Variants in PIM1 observed in about 807,000 individuals in gnomAD.
PIM1 encodes the protein serine/threonine-protein kinase pim-1.
Under a neutral mutation model 34.5 loss-of-function variants are expected in PIM1, and 9 were observed. The ratio of observed to expected loss-of-function variants is 0.26; its 90% CI spans 0.16 to 0.46. The LOEUF (loss-of-function observed/expected upper bound fraction) is 0.46. Ranked by LOEUF, PIM1 falls within the 20% of genes least tolerant of loss-of-function variation. The probability of loss-of-function intolerance (pLI) is 1.00; values close to 1 mark genes in which losing one functional copy is unlikely to be tolerated. For missense variants in PIM1, 274 were observed against 410.9 expected (o/e 0.67, Z 2.88); for synonymous variants, 199 against 175.2 (o/e 1.14, Z -1.07).
chr6:37,171,568 C>G lies in PIM1; in HGVS notation c.607+77C>G, dbSNP rs558894920. 25 of 1,521,648 alleles carry G rather than the reference C, an allele frequency of 1.6e-5. No homozygotes were observed. In the East Asian group the frequency reaches 5.0e-4, roughly 31 times the overall value. 94.3% of individuals were successfully genotyped at this position (1,521,648 alleles called of 1,614,324 possible). A position where few individuals can be genotyped will look rare whatever the true frequency, so the allele number is the denominator to read the frequency against. On this transcript the variant is annotated intron_variant, in intron 4 of 5. Transcript: ENST00000373509. Reference sequence around the variant, plus strand: ...CAGTCCGGAGGCCTCGGCCAGTCTCCCGCGCCAGCCTTTTGTAAAGGTCAT... The same window carrying G: ...CAGTCCGGAGGCCTCGGCCAGTCTCGCGCGCCAGCCTTTTGTAAAGGTCAT...
Position 37,170,671 on chromosome 6 carries a change from C to T in PIM1, c.82+14C>T. ...AGCTGGCGCCCGGTGAGAGCACCCCCCGCCTCCGGCCCGGGGATGCGGGGC... is the reference window on the plus strand; with the variant it reads ...AGCTGGCGCCCGGTGAGAGCACCCCTCGCCTCCGGCCCGGGGATGCGGGGC... On this transcript the variant is annotated intron_variant, in intron 1 of 5. Coordinates refer to ENST00000373509, the MANE Select transcript of PIM1 (RefSeq NM_002648.4). The T allele has an allele frequency of 1.9e-6, 3 of 1,608,680 alleles. No homozygotes were observed. Among genetic ancestry groups the T allele is most frequent in the Non-Finnish European group, 2.5e-6 (3 of 1,177,990 alleles).
At position 37,170,672 on chromosome 6, in the gene PIM1, C is replaced by T; in HGVS notation, c.82+15C>T. ...GCTGGCGCCCGGTGAGAGCACCCCC[C>T]GCCTCCGGCCCGGGGATGCGGGGCG... is the stretch of plus-strand genomic sequence containing the variant. On this transcript the variant is annotated intron_variant, in intron 1 of 5. Coordinates refer to ENST00000373509, the MANE Select transcript of PIM1 (RefSeq NM_002648.4). 2.5e-6 allele frequency: 4 copies of T among 1,608,748 alleles called. No individual in the cohort carries two copies. Among genetic ancestry groups the T allele is most frequent in the South Asian group, 1.1e-5 (1 of 90,916 alleles).
Position 37,173,186 on chromosome 6 carries a change from A to G in PIM1, c.784+14A>G, listed in dbSNP as rs1762339298. The G allele has an allele frequency of 6.2e-7, 1 of 1,613,286 alleles. No homozygotes were observed. Among genetic ancestry groups the G allele is most frequent in the Admixed American group, 1.7e-5 (1 of 59,942 alleles). ...GGGTCTCTTCAGGTAACTGATGGAA[A>G]CCCCTGGCCATGGGGTTATTGGTCT... On this transcript the variant is annotated intron_variant, in intron 5 of 5. Transcript: ENST00000373509.
In PIM1 at chr6:37,173,234, G is replaced by A. The variant is rs1225896586; in HGVS notation, c.784+62G>A. On this transcript the variant is annotated intron_variant, in intron 5 of 5. Coordinates refer to ENST00000373509, the MANE Select transcript of PIM1 (RefSeq NM_002648.4). ...TCTTAATGGGGCTATTAGTCTTCAT[G>A]GGACAGTCTTTGAAATTCTGGAGAG... The A allele has an allele frequency of 2.7e-6, 4 of 1,483,038 alleles. No homozygotes were observed. In the East Asian group the frequency reaches 6.8e-5, roughly 25 times the overall value. 91.9% of individuals were successfully genotyped at this position (1,483,038 alleles called of 1,614,324 possible).
chr6:37,170,621 C>T lies in PIM1; in HGVS notation c.46C>T (p.Pro16Ser). 6.2e-7 allele frequency: 1 copy of T among 1,612,938 alleles called. No individual in the cohort carries two copies. The highest frequency in any genetic ancestry group is 1.1e-5 in the South Asian group (1 of 91,062). The change falls in exon 1 of 6, where the codon CCC (proline) becomes TCC (serine). Residue 16 changes from proline (P) to serine (S), a missense_variant. Transcript: ENST00000373509. ...INSLAHLRAA[P>S]CNDLHATKLA... ...CTCGCTTGCCCACCTGCGCGCCGCG[C>T]CCTGCAACGACCTGCACGCCACCAA...
Position 37,175,404 on chromosome 6 carries a change from T to C in PIM1, c.*1313T>C, listed in dbSNP as rs1176454981. ...ATTTTTTTTTTTATACTTGGCGTTT[T>C]TTGAATAAAAACCTTTTGTCTTAAC... On this transcript the variant is annotated 3_prime_UTR_variant, in exon 6 of 6. Transcript: ENST00000373509. 8.7e-6 allele frequency: 2 copies of C among 230,420 alleles called. No individual in the cohort carries two copies. The highest frequency in any genetic ancestry group is 4.4e-5 in the African/African-American group (2 of 45,090). 14.3% of individuals were successfully genotyped at this position (230,420 alleles called of 1,614,324 possible). A position where few individuals can be genotyped will look rare whatever the true frequency, so the allele number is the denominator to read the frequency against.
At chr6:37,172,374 G>A (rs1024486374) in intron 4 of PIM1, 6 of 344,918 alleles carry the variant, frequency 1.7e-5, no homozygotes, top group African/African-American at 6.4e-5. Flanking sequence ...CAGCGGCATG[G>A]CCCCTCCTTT....
chr6:37,172,850 G>T, intron 4 of PIM1, 146 bp from the exon 5 acceptor site: 1 of 754,622 alleles, frequency 1.3e-6, no homozygotes. Context: ...ACTCTCCTTA[G>T]CCCAGAGGGA....
intron 4 of PIM1, 54 bp downstream of exon 4, chr6:37,171,545 G>C: frequency 6.3e-7 from 1 of 1,576,572 alleles, no homozygotes; most frequent in Non-Finnish European, 8.6e-7. Flanking sequence ...GCCCGGCCCA[G>C]TCCGGAGGCC....
intron 1 of PIM1, 57 bp downstream of exon 1, chr6:37,170,714 G>GGTGGGGA: frequency 6.2e-7 from 1 of 1,607,108 alleles, no homozygotes; most frequent in Non-Finnish European, 8.5e-7. Flanking sequence ...GGATCTCCTG[G>GGTGGGGA]GTGGGGAGCT....
intron 4 of PIM1, 58 bp downstream of exon 4, chr6:37,171,549 G>A: frequency 6.4e-7 from 1 of 1,565,804 alleles, no homozygotes; most frequent in Non-Finnish European, 8.6e-7. Context: ...GGCCCAGTCC[G>A]GAGGCCTCGG....
chr6:37,172,258 T>C (rs2113771066), intron 4 of PIM1, among the ~76,000 whole-genome samples: 1 of 152,304 alleles, frequency 6.6e-6, no homozygotes, highest in African/African-American at 2.4e-5. Context: ...TTATTTGCCC[T>C]TGGAGGACGC....
chr6:37,172,119 G>C (rs995421020), intron 4 of PIM1, among the ~76,000 whole-genome samples: 1 of 152,080 alleles, frequency 6.6e-6, no homozygotes, highest in Non-Finnish European at 1.5e-5. Flanking sequence ...GGCTTGGAGC[G>C]GGTTCTTTCA....
chr6:37,170,498 C>T lies in PIM1; in HGVS notation c.-78C>T. On this transcript the variant is annotated 5_prime_UTR_variant, in exon 1 of 6. Coordinates refer to ENST00000373509, the MANE Select transcript of PIM1 (RefSeq NM_002648.4). ...CCACAGCCACAGCCCCAGGCATAGC[C>T]TTCGGCACAGCCCCGGCTCCGGCTC... is the stretch of plus-strand genomic sequence containing the variant. The T allele has an allele frequency of 6.3e-7, 1 of 1,596,978 alleles. No homozygotes were observed.
rs761565448 is a variant in PIM1, at chr6:37,170,411, G to A, written c.-165G>A. The A allele has an allele frequency of 5.9e-6, 9 of 1,533,488 alleles. No individual in the cohort carries two copies. The South Asian group carries it at 1.1e-4, about 18-fold the overall frequency. The allele number at this position is 1,533,488 out of a possible 1,614,324, so 95.0% of individuals were successfully genotyped here. The stretch of plus-strand genomic sequence containing the variant: ...CCGGCAGCGCCCTCAGTTGTCCTCC[G>A]ACTCGCCCTCGGCCTTCCGCGCCAG... On this transcript the variant is annotated 5_prime_UTR_variant, in exon 1 of 6. Coordinates refer to ENST00000373509, the MANE Select transcript of PIM1 (RefSeq NM_002648.4).
chr6:37,170,285 G>GCC lies in PIM1; in HGVS notation c.-290_-289dup. Reference sequence around the variant, plus strand: ...GCAGCAGCAGCAGCAGCAACCACTAGCCTCCTGCCCCGCGGCGCTGCCGCA... The same window carrying GCC: ...GCAGCAGCAGCAGCAGCAACCACTAGCCCCTCCTGCCCCGCGGCGCTGCCGCA... On this transcript the variant is annotated 5_prime_UTR_variant, in exon 1 of 6. Coordinates refer to ENST00000373509, the MANE Select transcript of PIM1 (RefSeq NM_002648.4). The GCC allele has an allele frequency of 7.2e-7, 1 of 1,391,604 alleles. No individual in the cohort carries two copies. Among genetic ancestry groups the GCC allele is most frequent in the East Asian group, 3.2e-5 (1 of 31,186 alleles). 86.2% of individuals were successfully genotyped at this position (1,391,604 alleles called of 1,614,324 possible). A position where few individuals can be genotyped will look rare whatever the true frequency, so the allele number is the denominator to read the frequency against.
rs1561982164 is a variant in PIM1 at position 37,170,177 on chromosome 6, C to T, written c.-399C>T. The stretch of plus-strand genomic sequence containing the variant: ...ACTCCTGGCTGCGGGGCGAGCCGGG[C>T]GTCTGCTGCAGCGGCCGCGGTGGCT... On this transcript the variant is annotated 5_prime_UTR_variant, in exon 1 of 6. Transcript: ENST00000373509. The T allele has an allele frequency of 7.8e-6, 8 of 1,024,534 alleles. No individual in the cohort carries two copies. Among genetic ancestry groups the T allele is most frequent in the Non-Finnish European group, 7.3e-6 (6 of 817,924 alleles). 63.5% of individuals were successfully genotyped at this position (1,024,534 alleles called of 1,614,324 possible). A position where few individuals can be genotyped will look rare whatever the true frequency, so the allele number is the denominator to read the frequency against.
At position 37,175,336 on chromosome 6, in the gene PIM1, T is replaced by A. The variant is rs1286737345; in HGVS notation, c.*1245T>A. 8.6e-6 allele frequency: 2 copies of A among 233,490 alleles called. No individual in the cohort carries two copies. The highest frequency in any genetic ancestry group is 1.7e-5 in the Non-Finnish European group (2 of 118,006). 14.5% of individuals were successfully genotyped at this position (233,490 alleles called of 1,614,324 possible). ...TTTGAGCAGCAGGTAGCCTGCTGGTTTTATCTGAGTGAAATACTGTACAGG... is the reference window on the plus strand; with the variant it reads ...TTTGAGCAGCAGGTAGCCTGCTGGTATTATCTGAGTGAAATACTGTACAGG... On this transcript the variant is annotated 3_prime_UTR_variant, in exon 6 of 6. Transcript: ENST00000373509.
Position 37,171,008 on chromosome 6 carries a change from C to A in PIM1, c.217C>A (p.Arg73=). ...PVAIKHVEKD[R]ISDWGELPNG... ...GGCCATCAAACACGTGGAGAAGGAC[C>A]GGATTTCCGACTGGGGAGAGCTGGT... is the stretch of plus-strand genomic sequence containing the variant. Residue 73 remains arginine, a synonymous_variant, in exon 3 of 6, where the codon CGG becomes AGG. Coordinates refer to ENST00000373509, the MANE Select transcript of PIM1 (RefSeq NM_002648.4). The A allele has an allele frequency of 6.2e-7, 1 of 1,614,094 alleles. No homozygotes were observed. Among genetic ancestry groups the A allele is most frequent in the Non-Finnish European group, 8.5e-7 (1 of 1,179,986 alleles).
Sources: gnomAD v4.1 joint callset for allele counts (sites outside exome capture counted in the v4.1 genomes callset) on GRCh38, gnomAD v4.1.1 for gene constraint, MANE v1.5 for transcripts, NCBI Gene and HGNC (gene_info 2026-07-23, HGNC 2026-07-21) for gene names.